CCDC3: variants seen among roughly 807,000 people sequenced by gnomAD.
The protein encoded by CCDC3 is coiled-coil domain containing 3, also known as coiled-coil domain-containing protein 3.
A neutral mutation model predicts 21.4 loss-of-function variants in CCDC3; 24 were observed. The ratio of observed to expected loss-of-function variants is 1.12; its 90% CI spans 0.81 to 1.58. The LOEUF (loss-of-function observed/expected upper bound fraction) is 1.58. CCDC3 is among the 40% of genes most tolerant of loss of function. The probability of loss-of-function intolerance (pLI) is 0.00; values close to 1 mark genes in which losing one functional copy is unlikely to be tolerated. For missense variants in CCDC3, 425 were observed against 360.9 expected, an observed-to-expected ratio of 1.18 and a Z score of -1.44; for synonymous variants, 186 against 166.0, an observed-to-expected ratio of 1.12 and a Z score of -0.93.
intron 2 of CCDC3, among the ~76,000 whole-genome samples, chr10:12,974,512 C>T (rs1262694437): frequency 6.6e-6 from 1 of 152,204 alleles, no homozygotes; most frequent in East Asian, 1.9e-4. Context: ...AGAAATTGTA[C>T]GTGTGTCTGT....
At chr10:12,952,671 T>A (rs1396465615) in intron 2 of CCDC3, among the ~76,000 whole-genome samples, 1 of 152,182 alleles carries the variant, frequency 6.6e-6, no homozygotes, top group East Asian at 1.9e-4. Context: ...ATTTTATGAC[T>A]TGGTGACACT....
chr10:13,032,413 C>T (rs1477504328), intron 5 of CCDC3, among the ~76,000 whole-genome samples: 4 of 152,152 alleles, frequency 2.6e-5, no homozygotes, highest in Non-Finnish European at 5.9e-5. Context: ...TGGAAGCATT[C>T]CCATTGAAAA....
In CCDC3 at chr10:12,898,691, G is replaced by A. The variant is rs752341347; in HGVS notation, c.550-12C>T. 2.5e-6 allele frequency: 4 copies of A among 1,613,494 alleles called. No individual in the cohort carries two copies. The highest frequency in any genetic ancestry group is 2.7e-5 in the African/African-American group (2 of 74,926). On this transcript the variant is annotated splice_polypyrimidine_tract_variant and intron_variant, in intron 2 of 2. Coordinates refer to ENST00000378825, the MANE Select transcript of CCDC3 (RefSeq NM_031455.4). Reference sequence around the variant, plus strand: ...GAGGAGCACATGAGCTGGAGGCAGAGACAGCGTGCAAGGAGAGGAGGTGAG... The same window carrying A: ...GAGGAGCACATGAGCTGGAGGCAGAAACAGCGTGCAAGGAGAGGAGGTGAG...
At chr10:13,088,417 G>A (rs937265985) in intron 3 of CCDC3, among the ~76,000 whole-genome samples, 4 of 152,172 alleles carry the variant, frequency 2.6e-5, no homozygotes, top group South Asian at 2.1e-4. Flanking sequence ...AGAAAGGGAC[G>A]TCATAAAATG....
chr10:13,055,951 CAT>C (rs1836675790), intron 4 of CCDC3, among the ~76,000 whole-genome samples: 2 of 152,142 alleles, frequency 1.3e-5, no homozygotes, highest in Non-Finnish European at 1.5e-5. Flanking sequence ...TTTGGAGTCT[CAT>C]ATGGAGAAAG....
At chr10:13,079,375 G>A (rs919545161) in intron 3 of CCDC3, among the ~76,000 whole-genome samples, 5 of 152,194 alleles carry the variant, frequency 3.3e-5, no homozygotes, top group Admixed American at 3.3e-4. Context: ...TGGAGTAAAG[G>A]ATCCTCACGT....
chr10:12,972,060 C>T (rs758151477), intron 2 of CCDC3, among the ~76,000 whole-genome samples: 1 of 152,152 alleles, frequency 6.6e-6, no homozygotes, highest in Non-Finnish European at 1.5e-5. Flanking sequence ...CTATCACCTC[C>T]TGTGCTGGGA....
chr10:12,912,753 G>A lies in CCDC3; in HGVS notation c.550-14074C>T, dbSNP rs554773261. On this transcript the variant is annotated intron_variant, in intron 2 of 2. Transcript: ENST00000378825. ...GGTAGGTTTACAGTTTCAGGTCTAC[G>A]CTTAAGTCTTTAAACATTGAGTTGA... Among the ~76,000 whole-genome samples, 33 of 152,194 alleles carry A rather than the reference G, an allele frequency of 2.2e-4. No homozygotes were observed. In the South Asian group the frequency reaches 2.5e-3, roughly 11 times the overall value.
intron 5 of CCDC3, among the ~76,000 whole-genome samples, chr10:13,008,421 A>G (rs900182364): frequency 6.6e-6 from 1 of 152,188 alleles, no homozygotes; most frequent in Non-Finnish European, 1.5e-5. Context: ...CAGTGCGGTG[A>G]ATGCCAGACT....
chr10:12,930,201 CTGTCCAGGACAA>C (rs1319994233), intron 2 of CCDC3, among the ~76,000 whole-genome samples: 1 of 152,194 alleles, frequency 6.6e-6, no homozygotes, highest in South Asian at 2.1e-4. Flanking sequence ...TTTTCAAAAG[CTGTCCAGGACAA>C]TACGTTGTAC....
chr10:12,920,839 A>G (rs967172181), intron 2 of CCDC3, among the ~76,000 whole-genome samples: 3 of 152,208 alleles, frequency 2.0e-5, no homozygotes, highest in East Asian at 1.9e-4. Flanking sequence ...CAGAAGGTCT[A>G]TCTCAAAAGG....
intron 2 of CCDC3, among the ~76,000 whole-genome samples, chr10:12,936,018 A>T (rs1156442345): frequency 1.3e-5 from 2 of 151,842 alleles, no homozygotes; most frequent in African/African-American, 4.9e-5. Flanking sequence ...CTGTCAGATC[A>T]ATGAAGATGA....
chr10:13,000,883 G>C (rs187705145), intron 1 of CCDC3, among the ~76,000 whole-genome samples: 3 of 152,182 alleles, frequency 2.0e-5, no homozygotes, highest in Admixed American at 6.5e-5. Context: ...TCCCACTGAG[G>C]CCAGTTTAAA....
At chr10:12,925,897 G>A (rs1231594041) in intron 2 of CCDC3, among the ~76,000 whole-genome samples, 1 of 152,226 alleles carries the variant, frequency 6.6e-6, no homozygotes, top group East Asian at 1.9e-4. Context: ...CTTTATGTAT[G>A]AGGCAGAAAA....
intron 2 of CCDC3, among the ~76,000 whole-genome samples, chr10:12,904,961 T>A (rs1834148106): frequency 1.3e-5 from 2 of 151,906 alleles, no homozygotes; most frequent in African/African-American, 4.8e-5. Flanking sequence ...TAAAAAAATA[T>A]CTCATGGCAC....
chr10:13,059,648 G>GT (rs1836729352), intron 4 of CCDC3, among the ~76,000 whole-genome samples: 3 of 151,772 alleles, frequency 2.0e-5, no homozygotes, highest in South Asian at 4.2e-4. Flanking sequence ...ATTACTGAAG[G>GT]TTTTTTTTCT....
chr10:12,948,878 CCCA>C (rs1834966059), intron 2 of CCDC3, among the ~76,000 whole-genome samples: 1 of 139,608 alleles, frequency 7.2e-6, no homozygotes, highest in Admixed American at 7.5e-5. Context: ...ACTACAGGCG[CCCA>C]CCACCATGCC....
chr10:12,994,345 C>CCGAG lies in CCDC3; in HGVS notation c.549+3989_549+3992dup, dbSNP rs1423463174. Among the ~76,000 whole-genome samples, 8 of 151,688 alleles carry CCGAG rather than the reference C, an allele frequency of 5.3e-5. No homozygotes were observed. In the East Asian group the frequency reaches 1.5e-3, roughly 29 times the overall value. Reference sequence around the variant, plus strand: ...CCTGGGAGACAGAGGCTGCAGTAAGCCGAGATTGCATCACTGCACTCCAAC... The same window carrying CCGAG: ...CCTGGGAGACAGAGGCTGCAGTAAGCCGAGCGAGATTGCATCACTGCACTCCAAC... On this transcript the variant is annotated intron_variant, in intron 2 of 2. Transcript: ENST00000378825.
intron 2 of CCDC3, among the ~76,000 whole-genome samples, chr10:12,938,823 C>T (rs1442578030): frequency 1.3e-5 from 2 of 152,184 alleles, no homozygotes; most frequent in East Asian, 1.9e-4. Flanking sequence ...TATCCAGCCA[C>T]ACTGTCTCCT....
Sources: allele counts gnomAD v4.1 joint callset (sites outside exome capture counted in the v4.1 genomes callset), GRCh38; gene constraint gnomAD v4.1.1; transcripts MANE v1.5; gene names NCBI Gene and HGNC (gene_info 2026-07-23, HGNC 2026-07-21).